The following LUZP1 variants were observed in gnomAD, a reference collection of about 807,000 sequenced individuals.
LUZP1 encodes leucine zipper protein 1.
In LUZP1, 25 loss-of-function variants were observed where a neutral mutation model predicts 71.3. That is an observed-to-expected ratio of 0.35 (90% CI 0.26 to 0.49). The LOEUF is 0.49. Ranked by LOEUF, LUZP1 falls within the 20% of genes least tolerant of loss-of-function variation. LUZP1 has a pLI of 0.99. For missense variants in LUZP1, 1,142 were observed against 1,300.8 expected (o/e 0.88, Z 1.88); for synonymous variants, 481 against 506.4 (o/e 0.95, Z 0.67).
At chr1:23,119,959 A>G (rs1487358007) in intron 2 of LUZP1, among the ~76,000 whole-genome samples, 1 of 150,116 alleles carries the variant, frequency 6.7e-6, no homozygotes, top group African/African-American at 2.5e-5. Context: ...TTTTTTTTTT[A>G]AAGACAGAGT....
chr1:23,105,947 C>G, intron 3 of LUZP1, among the ~76,000 whole-genome samples: 1 of 152,074 alleles, frequency 6.6e-6, no homozygotes, highest in Admixed American at 6.6e-5. Context: ...GTAGCACATT[C>G]CAATCCTCCA....
chr1:23,172,122 C>T (rs1018869399), intron 1 of LUZP1, among the ~76,000 whole-genome samples: 9 of 152,166 alleles, frequency 5.9e-5, no homozygotes, highest in African/African-American at 2.2e-4. Context: ...AGCCTGGCAC[C>T]TAGTTCATGC....
intron 3 of LUZP1, among the ~76,000 whole-genome samples, chr1:23,107,215 A>G (rs531652993): frequency 6.6e-6 from 1 of 152,232 alleles, no homozygotes; most frequent in East Asian, 1.9e-4. Context: ...TGCTGTACAT[A>G]AAGGAGCAAT....
chr1:23,128,165 C>A (rs1397430082), intron 2 of LUZP1, among the ~76,000 whole-genome samples: 1 of 151,732 alleles, frequency 6.6e-6, no homozygotes, highest in Non-Finnish European at 1.5e-5. Context: ...AACTTAAGTT[C>A]ATTCAACTCC....
intron 2 of LUZP1, among the ~76,000 whole-genome samples, chr1:23,123,832 C>T (rs1484065681): frequency 6.6e-6 from 1 of 152,130 alleles, no homozygotes; most frequent in Non-Finnish European, 1.5e-5. Flanking sequence ...CCTATATAGA[C>T]CTAAGACATT....
At chr1:23,139,983 G>A (rs1644290028) in intron 2 of LUZP1, among the ~76,000 whole-genome samples, 1 of 151,872 alleles carries the variant, frequency 6.6e-6, no homozygotes, top group African/African-American at 2.4e-5. Flanking sequence ...AACTGTTTAT[G>A]TTATTGGTCA....
intron 4 of LUZP1, among the ~76,000 whole-genome samples, chr1:23,090,040 G>C (rs1442087089): frequency 1.3e-5 from 2 of 152,206 alleles, no homozygotes; most frequent in African/African-American, 2.4e-5. Context: ...TTACAGGTGT[G>C]AGCCACCACG....
exon 1 of LUZP1, chr1:23,177,727 C>A (rs904430105): frequency 1.3e-5 from 2 of 152,216 alleles, no homozygotes; most frequent in African/African-American, 2.4e-5. Context: ...GGGGCCGGCG[C>A]GTTCGCCGTT....
At chr1:23,122,104 A>C (rs931614667) in intron 2 of LUZP1, among the ~76,000 whole-genome samples, 8 of 152,208 alleles carry the variant, frequency 5.3e-5, no homozygotes, top group Non-Finnish European at 1.0e-4. Context: ...TAAAATCAAC[A>C]GTTTCTAATA....
exon 5 of LUZP1, chr1:23,085,059 A>G (rs1410220800): frequency 1.0e-4 from 16 of 152,610 alleles, no homozygotes; most frequent in Admixed American, 9.8e-4. Flanking sequence ...GGCAGCTCCA[A>G]TGATACACAT....
rs1424811841 is a variant in LUZP1 at position 23,159,711 on chromosome 1, G to A, written c.-226+9055C>T. ...TAATAATATCAGTATCACGCCAGACGCGGTGGCTCATGCCTGTAATCCCAA... is the reference window on the plus strand; with the variant it reads ...TAATAATATCAGTATCACGCCAGACACGGTGGCTCATGCCTGTAATCCCAA... On this transcript the variant is annotated intron_variant, in intron 2 of 4. Transcript: ENST00000302291. Among the ~76,000 whole-genome samples, 5 of 152,182 alleles carry A rather than the reference G, an allele frequency of 3.3e-5. No individual in the cohort carries two copies. In the East Asian group the frequency reaches 7.7e-4, roughly 23 times the overall value.
intron 2 of LUZP1, among the ~76,000 whole-genome samples, chr1:23,126,766 A>G (rs1181413849): frequency 6.6e-6 from 1 of 152,174 alleles, no homozygotes; most frequent in African/African-American, 2.4e-5. Flanking sequence ...TTTGATGTTT[A>G]CAGAATTCAG....
At chr1:23,138,657 ATGTGTTTGTGTGTGTG>A (rs1644273990) in intron 2 of LUZP1, among the ~76,000 whole-genome samples, 1 of 109,122 alleles carries the variant, frequency 9.2e-6, no homozygotes, top group Non-Finnish European at 1.9e-5. Context: ...TATATGGATT[ATGTGTTTGTGTGTGTG>A]TGTGTGTGTG....
chr1:23,084,043 T>A (rs1242987255), exon 5 of LUZP1: 1 of 152,196 alleles, frequency 6.6e-6, no homozygotes, highest in African/African-American at 2.4e-5. Context: ...GGGAGACCAG[T>A]CTGCCTTTAT....
chr1:23,096,851 T>C (rs1002151368), intron 3 of LUZP1, among the ~76,000 whole-genome samples: 1 of 152,158 alleles, frequency 6.6e-6, no homozygotes, highest in Non-Finnish European at 1.5e-5. Flanking sequence ...TGCACACCTA[T>C]AATCCCAGCT....
At chr1:23,147,357 CTT>C (rs1343425830) in intron 2 of LUZP1, among the ~76,000 whole-genome samples, 3 of 150,418 alleles carry the variant, frequency 2.0e-5, no homozygotes, top group African/African-American at 7.3e-5. Flanking sequence ...AGGAGAATCA[CTT>C]GAACTCAGGA....
intron 1 of LUZP1, among the ~76,000 whole-genome samples, chr1:23,173,717 G>A (rs1364864878): frequency 1.3e-5 from 2 of 152,084 alleles, no homozygotes; most frequent in East Asian, 3.8e-4. Flanking sequence ...TGCTATGGAG[G>A]GGAAAGAGGG....
At chr1:23,176,960 C>T (rs530606356) in intron 1 of LUZP1, among the ~76,000 whole-genome samples, 3 of 152,212 alleles carry the variant, frequency 2.0e-5, no homozygotes, top group Admixed American at 1.3e-4. Flanking sequence ...CCCCTCACCA[C>T]AGTCTCAAAC....
exon 5 of LUZP1, chr1:23,088,919 G>A: frequency 6.2e-7 from 1 of 1,614,182 alleles, no homozygotes; most frequent in Admixed American, 1.7e-5. Flanking sequence ...CACAGGGCCT[G>A]GTTGGCCGTA....
Sources: allele counts gnomAD v4.1 joint callset (sites outside exome capture counted in the v4.1 genomes callset), GRCh38; gene constraint gnomAD v4.1.1; transcripts MANE v1.5; gene names NCBI Gene and HGNC (gene_info 2026-07-23, HGNC 2026-07-21).